The following ASAP2 variants were observed in gnomAD, a reference collection of about 807,000 sequenced individuals.
ASAP2 encodes the protein ArfGAP with SH3 domain, ankyrin repeat and PH domain 2.
Under a neutral mutation model 131.4 loss-of-function variants are expected in ASAP2, and 45 were observed. The ratio of observed to expected loss-of-function variants is 0.34; its 90% CI spans 0.27 to 0.44. The LOEUF is 0.44. Ranked by LOEUF, ASAP2 falls within the 20% of genes least tolerant of loss-of-function variation. The pLI is 1.00. For missense variants in ASAP2, 1,011 were observed against 1,297.0 expected (o/e 0.78, Z 3.39); for synonymous variants, 510 against 503.0 (o/e 1.01, Z -0.19).
intron 8 of ASAP2, 105 bp downstream of exon 8, chr2:9,334,918 C>G: frequency 7.1e-7 from 1 of 1,416,514 alleles, no homozygotes. Context: ...GCCGTGCCGC[C>G]CACGTGGAGT....
chr2:9,400,190 G>GCCCTCCTGCCGCCTC, intron 25 of ASAP2, 118 bp downstream of exon 25: 2 of 804,966 alleles, frequency 2.5e-6, no homozygotes, highest in East Asian at 5.5e-5. Flanking sequence ...CCATTCCACA[G>GCCCTCCTGCCGCCTC]CCCTCCTGCC....
At chr2:9,370,241 A>T (rs1235603869) in intron 16 of ASAP2, among the ~76,000 whole-genome samples, 1 of 152,238 alleles carries the variant, frequency 6.6e-6, no homozygotes, top group African/African-American at 2.4e-5. Flanking sequence ...ACAGTGAAAG[A>T]GCCAGAACAT....
chr2:9,266,300 C>T (rs1369568017), intron 1 of ASAP2, among the ~76,000 whole-genome samples: 1 of 152,044 alleles, frequency 6.6e-6, no homozygotes, highest in Non-Finnish European at 1.5e-5. Flanking sequence ...GCACCTACCA[C>T]CACACCCGGC....
intron 12 of ASAP2, among the ~76,000 whole-genome samples, chr2:9,355,371 C>T (rs1452973050): frequency 6.6e-6 from 1 of 152,164 alleles, no homozygotes; most frequent in African/African-American, 2.4e-5. Context: ...ATTTGGATTT[C>T]TCTAGTGTTT....
chr2:9,263,783 G>A (rs1051857554), intron 1 of ASAP2, among the ~76,000 whole-genome samples: 6 of 152,166 alleles, frequency 3.9e-5, no homozygotes, highest in African/African-American at 7.2e-5. Context: ...GCATGACACC[G>A]TCCACTTCAG....
At chr2:9,284,763 G>A (rs1667361106) in intron 2 of ASAP2, among the ~76,000 whole-genome samples, 1 of 152,140 alleles carries the variant, frequency 6.6e-6, no homozygotes, top group South Asian at 2.1e-4. Flanking sequence ...TACATTATCA[G>A]GTTCCTGCTG....
intron 4 of ASAP2, among the ~76,000 whole-genome samples, chr2:9,319,955 G>T (rs1670050549): frequency 6.6e-6 from 1 of 152,218 alleles, no homozygotes; most frequent in South Asian, 2.1e-4. Flanking sequence ...CAGATGAAAG[G>T]TTGTCTTTCA....
chr2:9,379,290 A>G (rs1280322208), intron 19 of ASAP2, among the ~76,000 whole-genome samples: 3 of 152,172 alleles, frequency 2.0e-5, no homozygotes, highest in Admixed American at 6.5e-5. Context: ...CATTTTACAG[A>G]TCATAAGACA....
chr2:9,388,696 A>C, intron 22 of ASAP2, 150 bp downstream of exon 22: 1 of 1,221,454 alleles, frequency 8.2e-7, no homozygotes, highest in Non-Finnish European at 1.1e-6. Flanking sequence ...GGATTCCATC[A>C]TTCTTATCAG....
At chr2:9,320,997 A>G (rs1462230508) in intron 5 of ASAP2, among the ~76,000 whole-genome samples, 1 of 152,202 alleles carries the variant, frequency 6.6e-6, no homozygotes, top group Non-Finnish European at 1.5e-5. Context: ...GAGTCGAGCT[A>G]CAGGGAATTG....
At chr2:9,211,410 C>T (rs543159043) in intron 1 of ASAP2, among the ~76,000 whole-genome samples, 73 of 149,528 alleles carry the variant, frequency 4.9e-4, no homozygotes, top group Non-Finnish European at 8.6e-4. Context: ...TTCGTTTCTT[C>T]GAGCCTCTGG....
At chr2:9,289,290 G>A (rs970569914) in intron 2 of ASAP2, among the ~76,000 whole-genome samples, 16 of 152,128 alleles carry the variant, frequency 1.1e-4, no homozygotes, top group African/African-American at 3.4e-4. Flanking sequence ...TCTTGCCTTT[G>A]TGTCGCTGCA....
At chr2:9,340,729 G>C (rs1671522725) in intron 9 of ASAP2, among the ~76,000 whole-genome samples, 1 of 152,226 alleles carries the variant, frequency 6.6e-6, no homozygotes, top group Non-Finnish European at 1.5e-5. Context: ...CAAAATGTCA[G>C]TTTTTAAGCT....
At chr2:9,248,232 C>T (rs1664470225) in intron 1 of ASAP2, among the ~76,000 whole-genome samples, 1 of 152,138 alleles carries the variant, frequency 6.6e-6, no homozygotes, top group Admixed American at 6.5e-5. Flanking sequence ...GCCTGTGTTC[C>T]GAGTGGGAAT....
rs77349882 is a variant in ASAP2, at chr2:9,271,363, C to T, written c.127-7954C>T. On this transcript the variant is annotated intron_variant, in intron 1 of 27. Transcript: ENST00000281419. Reference sequence around the variant, plus strand: ...GGAACTGGCATAATATATGTTCTTGCACCTGTCACCCTGTAGCTGAATTAC... The same window carrying T: ...GGAACTGGCATAATATATGTTCTTGTACCTGTCACCCTGTAGCTGAATTAC... 290 of 1,267,194 alleles carry T rather than the reference C, an allele frequency of 2.3e-4. No homozygotes were observed. In the African/African-American group the frequency reaches 3.4e-3, roughly 15 times the overall value. 78.5% of individuals were successfully genotyped at this position (1,267,194 alleles called of 1,614,324 possible). A position where few individuals can be genotyped will look rare whatever the true frequency, so the allele number is the denominator to read the frequency against.
chr2:9,256,257 G>A (rs1161350797), intron 1 of ASAP2, among the ~76,000 whole-genome samples: 1 of 152,034 alleles, frequency 6.6e-6, no homozygotes. Context: ...TGCCAGCTTG[G>A]GGTGATGAAG....
In ASAP2 at chr2:9,380,790, C is replaced by T. The variant is rs139908630; in HGVS notation, c.1998C>T (p.His666=). ...TPLDIAKRLK[H]EHCEELLTQA... ...TGGACATTGCCAAGCGCCTCAAGCA[C>T]GAGCACTGTGAGGAGCTGGTGAGTC... The change falls in exon 20 of 28, where the codon CAC becomes CAT. Residue 666 remains histidine (H), a synonymous_variant. Coordinates refer to ENST00000281419, the MANE Select transcript of ASAP2 (RefSeq NM_003887.3). 66 of 1,614,012 alleles carry T rather than the reference C, an allele frequency of 4.1e-5. No homozygotes were observed. Among genetic ancestry groups the T allele is most frequent in the Non-Finnish European group, 4.9e-5 (58 of 1,180,046 alleles).
chr2:9,262,593 A>T (rs1053840871), intron 1 of ASAP2, among the ~76,000 whole-genome samples: 2 of 152,204 alleles, frequency 1.3e-5, no homozygotes, highest in African/African-American at 4.8e-5. Flanking sequence ...AGAACCAGTG[A>T]TTTGTAACTG....
chr2:9,327,448 G>A (rs1038534330), intron 6 of ASAP2, among the ~76,000 whole-genome samples: 1 of 152,132 alleles, frequency 6.6e-6, no homozygotes, highest in Non-Finnish European at 1.5e-5. Context: ...GCTACAATAC[G>A]TTAGCAGTTA....
Sources: allele counts gnomAD v4.1 joint callset (sites outside exome capture counted in the v4.1 genomes callset), GRCh38; gene constraint gnomAD v4.1.1; transcripts MANE v1.5; gene names NCBI Gene and HGNC (gene_info 2026-07-23, HGNC 2026-07-21).